Variants in UBE3C observed in about 807,000 individuals in gnomAD.
UBE3C encodes ubiquitin-protein ligase E3C.
UBE3C carries 42 observed loss-of-function variants against 129.4 expected under a neutral mutation model. The ratio of observed to expected loss-of-function variants is 0.32; its 90% CI spans 0.25 to 0.42. The LOEUF is 0.42. UBE3C is among the 10% of genes least tolerant of loss of function. The pLI is 1.00. For missense variants in UBE3C, 1,049 were observed against 1,319.1 expected (o/e 0.80, Z 3.17); for synonymous variants, 510 against 492.4 (o/e 1.04, Z -0.47).
intron 1 of UBE3C, among the ~76,000 whole-genome samples, chr7:157,150,988 A>G (rs955257267): frequency 6.6e-6 from 1 of 152,154 alleles, no homozygotes; most frequent in African/African-American, 2.4e-5. Flanking sequence ...GGGGCTTCTT[A>G]GGGATACCGT....
At chr7:157,185,307 A>G (rs1808777013) in intron 9 of UBE3C, among the ~76,000 whole-genome samples, 1 of 152,272 alleles carries the variant, frequency 6.6e-6, no homozygotes, top group South Asian at 2.1e-4. Context: ...CACTTTGAAC[A>G]TTTAAGAAGT....
chr7:157,212,849 C>G (rs969735055), intron 13 of UBE3C, among the ~76,000 whole-genome samples: 1 of 152,154 alleles, frequency 6.6e-6, no homozygotes, highest in African/African-American at 2.4e-5. Context: ...CCTCCACCCC[C>G]CAGGCTCAAG....
In UBE3C at chr7:157,181,669, G is replaced by A. The variant is rs766482616; in HGVS notation, c.768G>A (p.Ala256=). ...HFTYNSCPEG[A]RQQVFTAFTE... ...CTTACAACTCCTGTCCGGAAGGTGC[G>A]AGGTGAGACTGGAATGGATTTATTG... The change falls in exon 7 of 23, where the codon GCG becomes GCA. Residue 256 remains alanine (A), a splice_region_variant and synonymous_variant. Transcript: ENST00000348165. The A allele has an allele frequency of 3.7e-6, 6 of 1,613,002 alleles. No individual in the cohort carries two copies. Among genetic ancestry groups the A allele is most frequent in the South Asian group, 1.1e-5 (1 of 90,670 alleles).
At chr7:157,186,782 G>T (rs1250254707) in intron 9 of UBE3C, 52 bp from the exon 10 acceptor site, 1 of 1,595,942 alleles carries the variant, frequency 6.3e-7, no homozygotes, top group Non-Finnish European at 8.6e-7. Context: ...TAGTGTAGAG[G>T]ACGTTCCAGT....
chr7:157,186,916 T>G lies in UBE3C; in HGVS notation c.1226T>G (p.Leu409Arg), dbSNP rs1410291121. The G allele has an allele frequency of 6.2e-7, 1 of 1,614,146 alleles. No individual in the cohort carries two copies. The highest frequency in any genetic ancestry group is 8.5e-7 in the Non-Finnish European group (1 of 1,180,008). Residue 409 changes from leucine to arginine, a missense_variant, in exon 10 of 23, where the codon CTC becomes CGC. By Grantham distance (102) the Leu-to-Arg change is moderately radical. Transcript: ENST00000348165. ...LDTKQQTNTL[L>R]NLVWRDSASE... ...ACAAAGCAGCAGACCAACACCCTGC[T>G]CAACCTGGTGTGGAGGGACTCTGCG... is the stretch of plus-strand genomic sequence containing the variant.
At chr7:157,195,516 T>C (rs1268497843) in intron 10 of UBE3C, among the ~76,000 whole-genome samples, 1 of 152,170 alleles carries the variant, frequency 6.6e-6, no homozygotes, top group Non-Finnish European at 1.5e-5. Flanking sequence ...TTTTGTAAAT[T>C]GATGGTGCTG....
At chr7:157,153,102 C>T (rs1807803105) in intron 1 of UBE3C, among the ~76,000 whole-genome samples, 2 of 151,968 alleles carry the variant, frequency 1.3e-5, no homozygotes, top group South Asian at 2.1e-4. Flanking sequence ...AGGCTGAGGC[C>T]GGAGAATGGC....
At chr7:157,239,083 C>G (rs1184915460) in intron 18 of UBE3C, among the ~76,000 whole-genome samples, 10 of 152,152 alleles carry the variant, frequency 6.6e-5, no homozygotes, top group Non-Finnish European at 1.2e-4. Flanking sequence ...CCTAAAGCAT[C>G]ATATTAAAGC....
chr7:157,265,772 C>T (rs967190550), intron 22 of UBE3C, among the ~76,000 whole-genome samples: 2 of 152,208 alleles, frequency 1.3e-5, no homozygotes, highest in South Asian at 2.1e-4. Context: ...GCACTTAAGA[C>T]GCTGAAGCGT....
chr7:157,201,207 C>T (rs930946591), intron 10 of UBE3C, among the ~76,000 whole-genome samples: 1 of 151,752 alleles, frequency 6.6e-6, no homozygotes, highest in Non-Finnish European at 1.5e-5. Flanking sequence ...ACCTGTAATC[C>T]CAGGTACTCA....
At chr7:157,193,659 G>A in intron 10 of UBE3C, among the ~76,000 whole-genome samples, 1 of 122,404 alleles carries the variant, frequency 8.2e-6, no homozygotes, top group South Asian at 2.4e-4. Flanking sequence ...TCAGAAATTT[G>A]TCTTTTTTTT....
At chr7:157,193,349 G>A (rs796541505) in intron 10 of UBE3C, among the ~76,000 whole-genome samples, 12 of 152,260 alleles carry the variant, frequency 7.9e-5, no homozygotes, top group African/African-American at 2.9e-4. Flanking sequence ...ATCATTGGGT[G>A]TCTCGCTGTT....
chr7:157,161,418 TAGAA>T (rs949984650), intron 1 of UBE3C, among the ~76,000 whole-genome samples: 8 of 152,136 alleles, frequency 5.3e-5, no homozygotes, highest in South Asian at 2.1e-4. Flanking sequence ...TTTTCTTTGA[TAGAA>T]AGTATCTGGA....
intron 22 of UBE3C, among the ~76,000 whole-genome samples, chr7:157,262,717 A>C (rs1411813294): frequency 6.6e-6 from 1 of 151,958 alleles, no homozygotes; most frequent in Non-Finnish European, 1.5e-5. Flanking sequence ...CACCGCGCCC[A>C]TCCTCTTCAT....
intron 6 of UBE3C, among the ~76,000 whole-genome samples, chr7:157,180,652 A>G (rs1808643531): frequency 6.6e-6 from 1 of 152,258 alleles, no homozygotes; most frequent in South Asian, 2.1e-4. Flanking sequence ...AATGGAGTAA[A>G]TGATTCTGAA....
intron 22 of UBE3C, among the ~76,000 whole-genome samples, chr7:157,261,994 T>C (rs1796929178): frequency 6.6e-6 from 1 of 152,214 alleles, no homozygotes; most frequent in African/African-American, 2.4e-5. Context: ...CAATTAGCGT[T>C]ATGAAAGAAA....
intron 10 of UBE3C, chr7:157,197,578 T>C: frequency 2.0e-6 from 3 of 1,509,222 alleles, no homozygotes; most frequent in Non-Finnish European, 1.8e-6. Context: ...TCCCACATGG[T>C]ACTGCATGGA....
At chr7:157,201,884 C>G (rs750754742) in intron 11 of UBE3C, 77 bp downstream of exon 11, 67 of 1,271,138 alleles carry the variant, frequency 5.3e-5, no homozygotes, top group Non-Finnish European at 7.3e-5. Flanking sequence ...TTGCCAGAAC[C>G]TGTTTTTAAG....
At chr7:157,149,444 T>G (rs1807698693) in intron 1 of UBE3C, among the ~76,000 whole-genome samples, 1 of 152,186 alleles carries the variant, frequency 6.6e-6, no homozygotes, top group Admixed American at 6.5e-5. Context: ...TCATTTTCTT[T>G]GGACATTAAA....
Sources: gnomAD v4.1 joint callset for allele counts (sites outside exome capture counted in the v4.1 genomes callset) on GRCh38, gnomAD v4.1.1 for gene constraint, MANE v1.5 for transcripts, NCBI Gene and HGNC (gene_info 2026-07-23, HGNC 2026-07-21) for gene names.